The following KCNIP1 variants were observed in gnomAD, a reference collection of about 807,000 sequenced individuals.
KCNIP1 encodes potassium voltage-gated channel interacting protein 1.
A neutral mutation model predicts 33.0 loss-of-function variants in KCNIP1; 18 were observed. The ratio of observed to expected loss-of-function variants is 0.55; its 90% CI spans 0.38 to 0.81. The LOEUF is 0.81. Among genes scored for constraint, KCNIP1 ranks in the 30% least tolerant of loss-of-function variants. The pLI, the probability that KCNIP1 is intolerant of heterozygous loss-of-function variation, is 0.00. For missense variants in KCNIP1, 238 were observed against 271.6 expected, an observed-to-expected ratio of 0.88 and a Z score of 0.87; for synonymous variants, 93 against 98.3, an observed-to-expected ratio of 0.95 and a Z score of 0.32.
At chr5:170,666,636 G>T (rs61546172) in intron 1 of KCNIP1, among the ~76,000 whole-genome samples, 2 of 152,150 alleles carry the variant, frequency 1.3e-5, no homozygotes, top group South Asian at 2.1e-4. Context: ...AACATTTTGG[G>T]GTATTTTCAT....
rs550115019 is a variant in KCNIP1 at position 170,475,437 on chromosome 5, G to T, written c.88+121473G>T. Among the ~76,000 whole-genome samples, 6 of 152,286 alleles carry T rather than the reference G, an allele frequency of 3.9e-5. No homozygotes were observed. In the South Asian group the frequency reaches 1.2e-3, roughly 32 times the overall value. On this transcript the variant is annotated intron_variant, in intron 1 of 7. Transcript: ENST00000377360. ...CTAGAAGAGGAGGGCGGTGCTGGGA[G>T]GAACCTCCCTGACTCCTGCTGCAGA... is the stretch of plus-strand genomic sequence containing the variant.
chr5:170,612,480 G>A (rs935533858), intron 1 of KCNIP1, among the ~76,000 whole-genome samples: 37 of 152,332 alleles, frequency 2.4e-4, no homozygotes, highest in African/African-American at 8.2e-4. Flanking sequence ...AGAGCCTATG[G>A]CTGAAACCTC....
chr5:170,619,384 G>T (rs1759517887), intron 1 of KCNIP1, among the ~76,000 whole-genome samples: 1 of 152,152 alleles, frequency 6.6e-6, no homozygotes, highest in African/African-American at 2.4e-5. Context: ...GGGAAAATGA[G>T]TCCTGCCCCT....
intron 1 of KCNIP1, chr5:170,379,092 G>T: frequency 2.4e-6 from 3 of 1,248,646 alleles, no homozygotes; most frequent in Non-Finnish European, 3.3e-6. Flanking sequence ...TGGAGTCGGG[G>T]CTTTGGTCTA....
At chr5:170,595,227 G>A (rs567646661) in intron 1 of KCNIP1, among the ~76,000 whole-genome samples, 5 of 152,208 alleles carry the variant, frequency 3.3e-5, no homozygotes, top group African/African-American at 4.8e-5. Flanking sequence ...GGAGGGCAGC[G>A]GTACCAGTGA....
At chr5:170,373,840 G>A (rs1763914941) in intron 1 of KCNIP1, among the ~76,000 whole-genome samples, 1 of 152,186 alleles carries the variant, frequency 6.6e-6, no homozygotes, top group African/African-American at 2.4e-5. Flanking sequence ...ACAGAGTTTT[G>A]ACTTTGCAAG....
At chr5:170,706,858 G>A (rs1763270994) in intron 1 of KCNIP1, among the ~76,000 whole-genome samples, 1 of 152,090 alleles carries the variant, frequency 6.6e-6, no homozygotes, top group African/African-American at 2.4e-5. Context: ...TCCCACCCGT[G>A]TTAATCCTCT....
At chr5:170,524,050 T>C (rs2113318450) in intron 1 of KCNIP1, among the ~76,000 whole-genome samples, 1 of 152,306 alleles carries the variant, frequency 6.6e-6, no homozygotes, top group South Asian at 2.1e-4. Context: ...TGGTCTGCCC[T>C]GGCTTTCTTG....
At chr5:170,421,689 A>G (rs979850239) in intron 1 of KCNIP1, among the ~76,000 whole-genome samples, 2 of 152,114 alleles carry the variant, frequency 1.3e-5, no homozygotes, top group East Asian at 3.8e-4. Context: ...ACCTCCCAAC[A>G]CCATCATCTT....
chr5:170,366,222 T>C (rs1561586173), intron 1 of KCNIP1, among the ~76,000 whole-genome samples: 1 of 152,136 alleles, frequency 6.6e-6, no homozygotes, highest in Non-Finnish European at 1.5e-5. Flanking sequence ...CCTGCCCCAC[T>C]CCCAGCCCAC....
At chr5:170,708,523 G>A (rs1763337216) in intron 1 of KCNIP1, among the ~76,000 whole-genome samples, 1 of 152,174 alleles carries the variant, frequency 6.6e-6, no homozygotes, top group Admixed American at 6.5e-5. Flanking sequence ...TACAAGTGTT[G>A]ATATGTCATA....
chr5:170,418,455 C>T (rs1357757910), intron 1 of KCNIP1, among the ~76,000 whole-genome samples: 1 of 152,044 alleles, frequency 6.6e-6, no homozygotes, highest in African/African-American at 2.4e-5. Flanking sequence ...TACCCTCTTC[C>T]CATCATTTCT....
At chr5:170,592,916 G>C (rs891910410) in intron 1 of KCNIP1, among the ~76,000 whole-genome samples, 3 of 152,042 alleles carry the variant, frequency 2.0e-5, no homozygotes, top group Non-Finnish European at 4.4e-5. Flanking sequence ...AACATAATCT[G>C]TGCCTTCTGC....
intron 1 of KCNIP1, among the ~76,000 whole-genome samples, chr5:170,601,641 G>GA (rs1302246517): frequency 1.3e-5 from 2 of 152,126 alleles, no homozygotes; most frequent in East Asian, 1.9e-4. Context: ...GAAGGAAGCA[G>GA]AAAAAAGATT....
chr5:170,447,442 A>T (rs1756148986), intron 1 of KCNIP1, among the ~76,000 whole-genome samples: 1 of 152,100 alleles, frequency 6.6e-6, no homozygotes, highest in African/African-American at 2.4e-5. Context: ...AATGAGCTAG[A>T]CTCAGTCAAT....
intron 1 of KCNIP1, chr5:170,420,531 C>T (rs1279553557): frequency 9.7e-6 from 1 of 103,432 alleles, no homozygotes; most frequent in Non-Finnish European, 1.9e-5. Context: ...GAAACTCCAA[C>T]TCAAAAAAAA....
chr5:170,566,771 T>G (rs1233558149), intron 1 of KCNIP1, among the ~76,000 whole-genome samples: 1 of 152,184 alleles, frequency 6.6e-6, no homozygotes, highest in Non-Finnish European at 1.5e-5. Context: ...TTAATGACGG[T>G]GGAGCACCAT....
At chr5:170,365,970 C>T (rs991089586) in intron 1 of KCNIP1, among the ~76,000 whole-genome samples, 8 of 152,228 alleles carry the variant, frequency 5.3e-5, no homozygotes, top group African/African-American at 1.9e-4. Flanking sequence ...TCCCTCATTG[C>T]ATCCTAGGCA....
At chr5:170,718,169 TC>T (rs1384118193) in intron 1 of KCNIP1, among the ~76,000 whole-genome samples, 3 of 152,320 alleles carry the variant, frequency 2.0e-5, no homozygotes, top group African/African-American at 7.2e-5. Context: ...ACAAAGTAGC[TC>T]CCATTTAAGA....
Sources: gnomAD v4.1 joint callset for allele counts (sites outside exome capture counted in the v4.1 genomes callset) on GRCh38, gnomAD v4.1.1 for gene constraint, MANE v1.5 for transcripts, NCBI Gene and HGNC (gene_info 2026-07-23, HGNC 2026-07-21) for gene names.